The following ARFGEF3 variants were observed in gnomAD, a reference collection of about 807,000 sequenced individuals.
ARFGEF3 encodes the protein ARFGEF family member 3, also known as brefeldin A-inhibited guanine nucleotide-exchange protein 3.
ARFGEF3 carries 96 observed loss-of-function variants against 221.7 expected under a neutral mutation model. The observed-to-expected ratio is 0.43, with a 90% CI of 0.37 to 0.51. ARFGEF3 has a LOEUF of 0.51. ARFGEF3 is among the 20% of genes least tolerant of loss of function. The pLI, the probability that ARFGEF3 is intolerant of heterozygous loss-of-function variation, is 0.00. For synonymous variants in ARFGEF3, 1,145 were observed against 1,126.8 expected (o/e 1.02, Z -0.32); for missense variants, 2,410 against 2,789.9 (o/e 0.86, Z 3.07).
intron 31 of ARFGEF3, among the ~76,000 whole-genome samples, chr6:138,326,067 G>A: frequency 6.6e-6 from 1 of 152,030 alleles, no homozygotes; most frequent in African/African-American, 2.4e-5. Context: ...ATGTTGGCCA[G>A]GCTGGTCTCA....
chr6:138,239,652 G>GA (rs1210032134), intron 6 of ARFGEF3, among the ~76,000 whole-genome samples: 6,063 of 78,690 alleles, frequency 0.077, 186 homozygotes, highest in Middle Eastern at 0.23. Flanking sequence ...TCTGTCTCAG[G>GA]AAAAAAAAAA....
At chr6:138,171,607 AAAG>A (rs1257764544) in intron 2 of ARFGEF3, among the ~76,000 whole-genome samples, 2 of 152,214 alleles carry the variant, frequency 1.3e-5, no homozygotes, top group Non-Finnish European at 2.9e-5. Flanking sequence ...GAAAAATTGG[AAAG>A]AACAATACAA....
rs149266019 is a variant in ARFGEF3 at position 138,336,359 on chromosome 6, C to A, written c.6407C>A (p.Thr2136Lys). 2.5e-6 allele frequency: 4 copies of A among 1,611,134 alleles called. No individual in the cohort carries two copies. In the African/African-American group the frequency reaches 5.3e-5, roughly 22 times the overall value. The change falls in exon 34 of 34, where the codon ACG (threonine) becomes AAG (lysine). Residue 2136 changes from threonine (T) to lysine (K), a missense_variant. Physicochemically the swap from Thr to Lys is moderately conservative, Grantham distance 78 (BLOSUM62 -1). Transcript: ENST00000251691. ...CAGATTCTCCCAGACCAGACCTTCA[C>A]GGCCCTCCAGCCCGCAGTGTTCCCG... is the stretch of plus-strand genomic sequence containing the variant. ...QIQILPDQTF[T>K]ALQPAVFPCI...
chr6:138,260,831 A>G (rs1038580928), intron 10 of ARFGEF3, among the ~76,000 whole-genome samples: 7 of 152,178 alleles, frequency 4.6e-5, no homozygotes, highest in Admixed American at 1.3e-4. Context: ...GTACCTAACT[A>G]TAGATATTAC....
intron 12 of ARFGEF3, among the ~76,000 whole-genome samples, chr6:138,274,416 T>C (rs952458811): frequency 6.6e-6 from 1 of 152,166 alleles, no homozygotes; most frequent in Non-Finnish European, 1.5e-5. Context: ...GGGGTTCCCA[T>C]GGACCATCAG....
intron 2 of ARFGEF3, among the ~76,000 whole-genome samples, chr6:138,178,827 G>C (rs1777006546): frequency 6.6e-6 from 1 of 152,140 alleles, no homozygotes; most frequent in Admixed American, 6.5e-5. Context: ...ATATCTTACT[G>C]ACTGAGAAGG....
intron 4 of ARFGEF3, among the ~76,000 whole-genome samples, chr6:138,214,246 C>T (rs539326629): frequency 6.6e-6 from 1 of 151,970 alleles, no homozygotes; most frequent in African/African-American, 2.4e-5. Flanking sequence ...TAGATGAGTC[C>T]CCAGAGAAAA....
chr6:138,256,743 T>TG (rs377401454), intron 10 of ARFGEF3, among the ~76,000 whole-genome samples: 1 of 152,228 alleles, frequency 6.6e-6, no homozygotes, highest in Non-Finnish European at 1.5e-5. Context: ...TATATTTTTT[T>TG]AATTCATAAT....
At chr6:138,300,599 T>TA (rs1168490957) in intron 22 of ARFGEF3, among the ~76,000 whole-genome samples, 3 of 152,096 alleles carry the variant, frequency 2.0e-5, no homozygotes, top group Non-Finnish European at 4.4e-5. Context: ...TCTACTAATT[T>TA]AAAAAAAGGA....
rs371843791 is a variant in ARFGEF3 at position 138,281,825 on chromosome 6, T to A, written c.2461+1661T>A. On this transcript the variant is annotated intron_variant, in intron 14 of 33. Transcript: ENST00000251691. ...ATGGCTTATTGTGGCTCGGCCATAATGCCAAAGATTGGGGAGTCTGCAAAA... is the reference window on the plus strand; with the variant it reads ...ATGGCTTATTGTGGCTCGGCCATAAAGCCAAAGATTGGGGAGTCTGCAAAA... Among the ~76,000 whole-genome samples, 715 of 152,354 alleles carry A rather than the reference T, an allele frequency of 4.7e-3. 3 individuals are homozygous for A. Among genetic ancestry groups the A allele is most frequent in the African/African-American group, 0.017 (691 of 41,584 alleles).
At chr6:138,287,231 T>C (rs1220689736) in intron 17 of ARFGEF3, 47 bp downstream of exon 17, 1 of 1,360,306 alleles carries the variant, frequency 7.4e-7, no homozygotes, top group Non-Finnish European at 1.0e-6. Context: ...GGGTGCAGTA[T>C]GCACACACCT....
intron 2 of ARFGEF3, among the ~76,000 whole-genome samples, chr6:138,184,168 T>A (rs139628666): frequency 5.3e-5 from 8 of 152,212 alleles, no homozygotes; most frequent in Non-Finnish European, 1.0e-4. Flanking sequence ...ATTTTTAAAA[T>A]TATTCATTAA....
Position 138,296,909 on chromosome 6 carries a change from T to G in ARFGEF3, c.3602T>G (p.Leu1201Arg). 1.2e-6 allele frequency: 2 copies of G among 1,613,966 alleles called. No individual in the cohort carries two copies. The highest frequency in any genetic ancestry group is 1.7e-6 in the Non-Finnish European group (2 of 1,179,884). Residue 1201 changes from leucine to arginine, a missense_variant, in exon 21 of 34, where the codon CTC becomes CGC. Leu to Arg is a moderately radical substitution (Grantham distance 102). Transcript: ENST00000251691. Reference protein sequence around the residue: ...RIVRSKARPLLHVMRCWSLVA... With the variant: ...RIVRSKARPLRHVMRCWSLVA... ...GTGCGGAGCAAAGCACGGCCCCTGC[T>G]CCACGTGATGCGCTGCTGGAGCCTT...
At chr6:138,260,902 A>G (rs896670485) in intron 10 of ARFGEF3, among the ~76,000 whole-genome samples, 1 of 152,186 alleles carries the variant, frequency 6.6e-6, no homozygotes, top group African/African-American at 2.4e-5. Flanking sequence ...TTTGAAAACC[A>G]GGTAAAATGG....
At chr6:138,301,975 A>G (rs966202963) in intron 22 of ARFGEF3, among the ~76,000 whole-genome samples, 13 of 152,126 alleles carry the variant, frequency 8.5e-5, no homozygotes, top group Admixed American at 5.2e-4. Context: ...GTGGAATTCC[A>G]AGCACCTTAG....
At position 138,291,313 on chromosome 6, in the gene ARFGEF3, G is replaced by C. The variant is rs1474606178; in HGVS notation, c.3048-420G>C. On this transcript the variant is annotated intron_variant, in intron 18 of 33. Transcript: ENST00000251691. The surrounding 1 kb of genome is among the most constrained non-coding windows in gnomAD (Gnocchi z 4.5). ...TCTCCGTCATAGGTATAGCCATTCT[G>C]GGATCCCATCGTAGGGAAACGCTTC... Among the ~76,000 whole-genome samples the C allele has an allele frequency of 6.6e-6, 1 of 152,096 alleles. No individual in the cohort carries two copies. The highest frequency in any genetic ancestry group is 1.5e-5 in the Non-Finnish European group (1 of 68,016).
At chr6:138,269,742 G>T (rs1488483449) in intron 12 of ARFGEF3, among the ~76,000 whole-genome samples, 1 of 152,160 alleles carries the variant, frequency 6.6e-6, no homozygotes, top group Non-Finnish European at 1.5e-5. Context: ...AGGAGGCGGA[G>T]GTGGCGGTGA....
intron 4 of ARFGEF3, among the ~76,000 whole-genome samples, chr6:138,225,428 A>G (rs1054339997): frequency 1.2e-4 from 19 of 152,142 alleles, no homozygotes; most frequent in African/African-American, 4.3e-4. Flanking sequence ...ATGTCCTCTT[A>G]TCTGCAAAGT....
At chr6:138,168,436 G>A (rs75525878) in intron 1 of ARFGEF3, among the ~76,000 whole-genome samples, 4,233 of 152,278 alleles carry the variant, frequency 0.028, 87 homozygotes, top group African/African-American at 0.057. Context: ...TAGGAAGTGA[G>A]GACCAGATCA....
Sources: gnomAD v4.1 joint callset for allele counts (sites outside exome capture counted in the v4.1 genomes callset) on GRCh38, gnomAD v4.1.1 for gene constraint, Gnocchi (gnomAD v3.1) non-coding constraint, MANE v1.5 for transcripts, NCBI Gene and HGNC (gene_info 2026-07-23, HGNC 2026-07-21) for gene names.